The following FANK1 variants were observed in gnomAD, a reference collection of about 807,000 sequenced individuals.
FANK1 encodes fibronectin type III and ankyrin repeat domains 1, also known as fibronectin type 3 and ankyrin repeat domains protein 1.
Under a neutral mutation model 45.3 loss-of-function variants are expected in FANK1, and 44 were observed. The ratio of observed to expected loss-of-function variants is 0.97; its 90% CI spans 0.76 to 1.25. The LOEUF is 1.25. Among genes scored for constraint, FANK1 ranks in the 50% most tolerant of loss-of-function variants. FANK1 has a pLI of 0.00. For missense variants in FANK1, 391 were observed against 424.4 expected (o/e 0.92, Z 0.69); for synonymous variants, 149 against 152.5 (o/e 0.98, Z 0.17).
rs190095460 is a variant in FANK1 at position 125,988,919 on chromosome 10, C to G, written c.316+244C>G. ...CAGAACTGTCCTGTTAGTAGCCATT[C>G]AGCACAAAAGGGTGGAGTCACCTTT... On this transcript the variant is annotated intron_variant, in intron 3 of 10. Transcript: ENST00000368693. 1.9e-3 allele frequency: 1,214 copies of G among 623,332 alleles called. 4 individuals are homozygous for G. Among genetic ancestry groups the G allele is most frequent in the Non-Finnish European group, 2.9e-3 (1,031 of 358,038 alleles). The allele number at this position is 623,332 out of a possible 1,614,324, so 38.6% of individuals were successfully genotyped here.
intron 1 of FANK1, chr10:125,973,713 G>T (rs1950661713): frequency 1.3e-5 from 2 of 152,446 alleles, no homozygotes; most frequent in Non-Finnish European, 2.9e-5. Flanking sequence ...TTAACATTTT[G>T]CCATATATGT....
intron 1 of FANK1, among the ~76,000 whole-genome samples, chr10:125,957,822 G>A (rs1242155890): frequency 6.6e-6 from 1 of 152,134 alleles, no homozygotes. Context: ...ACCATGCCCG[G>A]CCTTGCCTTT....
chr10:125,926,323 T>G (rs1947339055), intron 1 of FANK1, among the ~76,000 whole-genome samples: 1 of 152,430 alleles, frequency 6.6e-6, no homozygotes, highest in Middle Eastern at 3.4e-3. Flanking sequence ...TTAGTTTTTT[T>G]TGTGTATTTA....
At chr10:125,924,349 G>A (rs1947174139) in intron 1 of FANK1, among the ~76,000 whole-genome samples, 1 of 151,344 alleles carries the variant, frequency 6.6e-6, no homozygotes. Context: ...CAGCTCCTGG[G>A]TTCAAGCAAT....
chr10:125,995,029 T>G, intron 3 of FANK1: 1 of 867,872 alleles, frequency 1.2e-6, no homozygotes, highest in Non-Finnish European at 1.4e-6. Flanking sequence ...TCTTTTTTTT[T>G]TTTCCAAGTA....
intron 1 of FANK1, among the ~76,000 whole-genome samples, chr10:125,935,286 G>C (rs1288419586): frequency 1.3e-5 from 2 of 152,188 alleles, no homozygotes; most frequent in African/African-American, 4.8e-5. Flanking sequence ...TAAGCTTCCT[G>C]AAGGCAGGGG....
At chr10:125,908,878 G>C (rs1165867706) in intron 1 of FANK1, among the ~76,000 whole-genome samples, 2 of 152,304 alleles carry the variant, frequency 1.3e-5, no homozygotes, top group South Asian at 4.1e-4. Flanking sequence ...TATTTCCTGA[G>C]ATGTTCATTT....
intron 1 of FANK1, among the ~76,000 whole-genome samples, chr10:125,979,413 A>G (rs1304993725): frequency 6.6e-6 from 1 of 152,112 alleles, no homozygotes; most frequent in Non-Finnish European, 1.5e-5. Flanking sequence ...AGACAGGGAT[A>G]TGTGTATTTT....
chr10:125,932,227 A>G (rs1456532369), intron 1 of FANK1, among the ~76,000 whole-genome samples: 1 of 152,084 alleles, frequency 6.6e-6, no homozygotes, highest in African/African-American at 2.4e-5. Context: ...GTTTTTTCTA[A>G]TTCTGTGAAG....
At chr10:125,920,870 T>G (rs1345117796) in intron 1 of FANK1, among the ~76,000 whole-genome samples, 1 of 152,288 alleles carries the variant, frequency 6.6e-6, no homozygotes, top group African/African-American at 2.4e-5. Flanking sequence ...GAGATACCTA[T>G]ATGCACTACT....
Position 125,924,254 on chromosome 10 carries a change from G to GTT in FANK1, c.13+27612_13+27613dup, listed in dbSNP as rs796167530. 7.5e-3 allele frequency among the ~76,000 whole-genome samples: 1,080 copies of GTT among 143,874 alleles called. 10 individuals carry two copies. The highest frequency in any genetic ancestry group is 0.026 in the African/African-American group (1,016 of 39,614). 94.4% of individuals were successfully genotyped at this position (143,874 alleles called of 152,430 possible). ...TGTCTGATTTATTGACTGATGCTTAGTTTTTTTTTTTTTTGAGATGTAGTC... is the reference window on the plus strand; with the variant it reads ...TGTCTGATTTATTGACTGATGCTTAGTTTTTTTTTTTTTTTTGAGATGTAGTC... On this transcript the variant is annotated intron_variant, in intron 1 of 10. Coordinates refer to ENST00000368693, the MANE Select transcript of FANK1 (RefSeq NM_145235.5).
At chr10:125,984,948 G>C (rs756631612) in intron 2 of FANK1, among the ~76,000 whole-genome samples, 1 of 152,172 alleles carries the variant, frequency 6.6e-6, no homozygotes, top group Non-Finnish European at 1.5e-5. Context: ...TCCTCCCTGC[G>C]CCTGTGTTGT....
chr10:125,981,203 G>A (rs1951187041), intron 2 of FANK1, among the ~76,000 whole-genome samples: 1 of 152,144 alleles, frequency 6.6e-6, no homozygotes, highest in South Asian at 2.1e-4. Flanking sequence ...AATACCACCA[G>A]GAGTAATGAA....
rs1422667906 is a variant in FANK1, at chr10:125,948,090, G to T, written c.14-32071G>T. The stretch of plus-strand genomic sequence containing the variant: ...ACGAGAACAAAGACACAACATACCA[G>T]AATCTCTGGGATGCATTCAAAGCAG... On this transcript the variant is annotated intron_variant, in intron 1 of 10. Transcript: ENST00000368693. Among the ~76,000 whole-genome samples, 8 of 148,494 alleles carry T rather than the reference G, an allele frequency of 5.4e-5. No individual in the cohort carries two copies. In the East Asian group the frequency reaches 1.6e-3, roughly 29 times the overall value.
intron 1 of FANK1, among the ~76,000 whole-genome samples, chr10:125,944,026 A>C (rs1948616931): frequency 6.6e-6 from 1 of 152,268 alleles, no homozygotes; most frequent in Non-Finnish European, 1.5e-5. Flanking sequence ...ATAAGGTTAA[A>C]GTTGCTCAGA....
intron 1 of FANK1, among the ~76,000 whole-genome samples, chr10:125,923,916 A>G (rs1947129700): frequency 6.6e-6 from 1 of 152,196 alleles, no homozygotes; most frequent in Admixed American, 6.5e-5. Context: ...TTCTTGACAA[A>G]TCTTGCTAAA....
intron 1 of FANK1, among the ~76,000 whole-genome samples, chr10:125,899,748 T>C (rs1480217525): frequency 6.6e-6 from 1 of 152,194 alleles, no homozygotes; most frequent in East Asian, 1.9e-4. Context: ...CTGTCAGCAA[T>C]ATTATGTTAA....
At chr10:125,984,037 C>T (rs1473661063) in intron 2 of FANK1, among the ~76,000 whole-genome samples, 3 of 151,862 alleles carry the variant, frequency 2.0e-5, no homozygotes, top group Non-Finnish European at 4.4e-5. Context: ...GGTGGTGGAC[C>T]GAATATGGGA....
At chr10:125,938,528 G>A (rs1404535608) in intron 1 of FANK1, among the ~76,000 whole-genome samples, 5 of 152,208 alleles carry the variant, frequency 3.3e-5, no homozygotes, top group Non-Finnish European at 5.9e-5. Flanking sequence ...TCTGGGGAGT[G>A]GCTGACACGG....
Sources: allele counts gnomAD v4.1 joint callset (sites outside exome capture counted in the v4.1 genomes callset), GRCh38; gene constraint gnomAD v4.1.1; transcripts MANE v1.5; gene names NCBI Gene and HGNC (gene_info 2026-07-23, HGNC 2026-07-21).